The following AFG2A variants were observed in gnomAD, a reference collection of about 807,000 sequenced individuals.
AFG2A encodes AAA ATPase AFG2A.
chr4:123,311,092 C>T, the AFG2A span, among the ~76,000 whole-genome samples: 1 of 152,120 alleles, frequency 6.6e-6, no homozygotes, highest in Non-Finnish European at 1.5e-5. Flanking sequence ...AAACTCTGTC[C>T]AAGTTTTCTA....
At chr4:123,015,336 C>T in the AFG2A span, among the ~76,000 whole-genome samples, 1 of 151,694 alleles carries the variant, frequency 6.6e-6, no homozygotes, top group Non-Finnish European at 1.5e-5. Context: ...CTGCGGCCTT[C>T]CGCAGTGTTT....
chr4:122,945,023 G>A, the AFG2A span, among the ~76,000 whole-genome samples: 14 of 152,292 alleles, frequency 9.2e-5, no homozygotes, highest in African/African-American at 2.9e-4. Flanking sequence ...ATACCCGGCC[G>A]TGTGAGGTGT....
At chr4:122,999,526 T>C in the AFG2A span, among the ~76,000 whole-genome samples, 5 of 152,212 alleles carry the variant, frequency 3.3e-5, no homozygotes, top group African/African-American at 1.2e-4. Flanking sequence ...TTTCTACATA[T>C]GGCTAGCCAG....
At chr4:123,133,989 G>A in the AFG2A span, among the ~76,000 whole-genome samples, 5 of 152,260 alleles carry the variant, frequency 3.3e-5, no homozygotes, top group East Asian at 9.6e-4. Flanking sequence ...TTGATATTGA[G>A]TAGTTTGAGT....
the AFG2A span, among the ~76,000 whole-genome samples, chr4:123,229,856 A>G: frequency 6.6e-6 from 1 of 151,986 alleles, no homozygotes; most frequent in Non-Finnish European, 1.5e-5. Context: ...TTTGGGAATC[A>G]TTTATATGCA....
the AFG2A span, among the ~76,000 whole-genome samples, chr4:123,260,753 T>C: frequency 6.6e-6 from 1 of 152,208 alleles, no homozygotes; most frequent in East Asian, 1.9e-4. Flanking sequence ...CCATTTGACC[T>C]GGTCTTAAGC....
the AFG2A span, among the ~76,000 whole-genome samples, chr4:123,248,159 A>G: frequency 1.3e-5 from 2 of 152,120 alleles, no homozygotes; most frequent in Non-Finnish European, 2.9e-5. Context: ...CAAATTTTAT[A>G]TAAAATCTGT....
chr4:122,933,050 CAT>C, the AFG2A span, among the ~76,000 whole-genome samples: 1 of 152,130 alleles, frequency 6.6e-6, no homozygotes, highest in Non-Finnish European at 1.5e-5. Context: ...TAATAGTGCT[CAT>C]ATGTGTGCAT....
the AFG2A span, among the ~76,000 whole-genome samples, chr4:123,196,046 G>A: frequency 2.7e-5 from 4 of 150,500 alleles, no homozygotes; most frequent in Non-Finnish European, 5.9e-5. Flanking sequence ...TGTCACCCAG[G>A]CTGGAGTGCA....
the AFG2A span, among the ~76,000 whole-genome samples, chr4:123,005,539 A>G: frequency 6.6e-6 from 1 of 151,920 alleles, no homozygotes; most frequent in African/African-American, 2.4e-5. Flanking sequence ...CTTTATGCTA[A>G]ATTTCTTCTT....
chr4:122,970,475 T>A, the AFG2A span, among the ~76,000 whole-genome samples: 103 of 138,028 alleles, frequency 7.5e-4, 1 homozygote, highest in African/African-American at 2.6e-3. Context: ...AAAAAAAAAA[T>A]TTTTTTTTTT....
the AFG2A span, among the ~76,000 whole-genome samples, chr4:123,138,777 A>G: frequency 6.6e-6 from 1 of 152,206 alleles, no homozygotes; most frequent in African/African-American, 2.4e-5. Flanking sequence ...CCAGGAGCCT[A>G]CAACCGACAG....
At chr4:123,184,783 G>A in the AFG2A span, among the ~76,000 whole-genome samples, 2 of 151,498 alleles carry the variant, frequency 1.3e-5, no homozygotes, top group African/African-American at 2.4e-5. Flanking sequence ...TGATCCGCCC[G>A]CCTAGGCCTC....
the AFG2A span, among the ~76,000 whole-genome samples, chr4:123,072,096 A>G: frequency 6.6e-6 from 1 of 152,206 alleles, no homozygotes; most frequent in Non-Finnish European, 1.5e-5. Flanking sequence ...GAATCAAGTA[A>G]ATGTGCTTTT....
At chr4:123,318,782 G>T in the AFG2A span, 1 of 150,438 alleles carries the variant, frequency 6.6e-6, no homozygotes, top group Non-Finnish European at 1.5e-5. Context: ...AAAAAGGGGG[G>T]AACAGTGTAT....
the AFG2A span, among the ~76,000 whole-genome samples, chr4:123,007,155 T>A: frequency 6.6e-6 from 1 of 152,132 alleles, no homozygotes; most frequent in African/African-American, 2.4e-5. Context: ...GGTAACAGTT[T>A]GATCCTTTTT....
the AFG2A span, among the ~76,000 whole-genome samples, chr4:123,020,622 A>G: frequency 6.6e-6 from 1 of 151,978 alleles, no homozygotes; most frequent in South Asian, 2.1e-4. Context: ...TTTAATTGGG[A>G]TTATAATGTA....
At chr4:122,933,970 A>G in the AFG2A span, 9 of 1,127,220 alleles carry the variant, frequency 8.0e-6, no homozygotes, top group Non-Finnish European at 1.1e-5. Flanking sequence ...TTTTATGACA[A>G]TTATTTTATT....
At chr4:123,108,555 A>G in the AFG2A span, among the ~76,000 whole-genome samples, 1 of 152,150 alleles carries the variant, frequency 6.6e-6, no homozygotes, top group South Asian at 2.1e-4. Context: ...GTTTACATCA[A>G]GATATTTGAT....
Sources: gnomAD v4.1 joint callset for allele counts (sites outside exome capture counted in the v4.1 genomes callset) on GRCh38, gnomAD v4.1.1 for gene constraint, MANE v1.5 for transcripts, NCBI Gene and HGNC (gene_info 2026-07-23, HGNC 2026-07-21) for gene names.